Variants in DGKI observed in about 807,000 individuals in gnomAD.
DGKI encodes DAG kinase iota.
A neutral mutation model predicts 147.5 loss-of-function variants in DGKI; 55 were observed. The ratio of observed to expected loss-of-function variants is 0.37; its 90% CI spans 0.30 to 0.47. DGKI has a LOEUF of 0.47. DGKI is among the 20% of genes least tolerant of loss of function. DGKI has a pLI of 1.00. For missense variants in DGKI, 1,007 were observed against 1,323.8 expected (o/e 0.76, Z 3.71); for synonymous variants, 469 against 477.1 (o/e 0.98, Z 0.22).
At chr7:137,785,798 G>A (rs1796652250) in intron 1 of DGKI, among the ~76,000 whole-genome samples, 1 of 152,092 alleles carries the variant, frequency 6.6e-6, no homozygotes, top group Admixed American at 6.6e-5. Flanking sequence ...TTTCATACCA[G>A]GGATGCAGGG....
rs1822158745 is a variant in DGKI, at chr7:137,654,780, G to A, written c.690C>T (p.Phe230=). Residue 230 remains phenylalanine, a synonymous_variant, in exon 5 of 33, where the codon TTC becomes TTT. Transcript: ENST00000614521. ...CTTCTCGAAATGTTGGTTTACATCT[G>A]AAATTAATCTGTCATTCAAAAAGAA... ...ACIEQLEKIN[F]RCKPTFREGG... is the part of the protein sequence containing the mutation. The A allele has an allele frequency of 1.2e-6, 2 of 1,600,898 alleles. No homozygotes were observed.
rs1487612357 is a variant in DGKI, at chr7:137,454,581, AC to A, written c.2735+8907del. On this transcript the variant is annotated intron_variant, in intron 27 of 32. Transcript: ENST00000614521. The stretch of plus-strand genomic sequence containing the variant: ...GCCATCACATTTTAGCATTCTGTAG[AC>A]AAAATGAAAAAAGAAATAATTAAAC... 1.9e-3 allele frequency among the ~76,000 whole-genome samples: 296 copies of A among 152,362 alleles called. 1 individual carries two copies. Among genetic ancestry groups the A allele is most frequent in the African/African-American group, 6.7e-3 (280 of 41,584 alleles).
At chr7:137,643,489 A>T (rs1821720969) in intron 6 of DGKI, among the ~76,000 whole-genome samples, 1 of 152,110 alleles carries the variant, frequency 6.6e-6, no homozygotes, top group Non-Finnish European at 1.5e-5. Flanking sequence ...TGGCAAGGAG[A>T]CAATCCCACC....
At chr7:137,807,569 G>A (rs765045630) in intron 1 of DGKI, among the ~76,000 whole-genome samples, 2 of 152,098 alleles carry the variant, frequency 1.3e-5, no homozygotes, top group African/African-American at 2.4e-5. Context: ...AAACTTTCAC[G>A]TGCTCACAAA....
rs376488244 is a variant in DGKI, at chr7:137,581,909, T to C, written c.1583A>G (p.Asn528Ser). 9 of 1,613,352 alleles carry C rather than the reference T, an allele frequency of 5.6e-6. No individual in the cohort carries two copies. The African/African-American group carries it at 6.7e-5, about 12-fold the overall frequency. Residue 528 changes from asparagine to serine, a missense_variant, in exon 15 of 33, where the codon AAT becomes AGT. By Grantham distance (46) the Asn-to-Ser change is conservative. Coordinates refer to ENST00000614521, the MANE Select transcript of DGKI (RefSeq NM_001321708.2). ...GVCKLPLNVFNNYFSLGFDAH... is the reference protein window; with the variant it reads ...GVCKLPLNVFSNYFSLGFDAH... ...ATCAAATCCAAGGCTGAAGTAGTTATTGAAAACATTCAGAGGGAGCTGCAA... is the reference window on the plus strand; with the variant it reads ...ATCAAATCCAAGGCTGAAGTAGTTACTGAAAACATTCAGAGGGAGCTGCAA...
At chr7:137,665,736 T>G (rs1009008766) in intron 3 of DGKI, among the ~76,000 whole-genome samples, 3 of 152,068 alleles carry the variant, frequency 2.0e-5, no homozygotes, top group Non-Finnish European at 4.4e-5. Flanking sequence ...AGTGCCTGTG[T>G]GTTGTTGTTT....
intron 1 of DGKI, among the ~76,000 whole-genome samples, chr7:137,720,250 C>CTTTTTTTTTTTTTTT (rs552382033): frequency 1.1e-5 from 1 of 88,218 alleles, no homozygotes; most frequent in African/African-American, 4.7e-5. Flanking sequence ...TTGAAAAAAT[C>CTTTTTTTTTTTTTTT]TTTTTTTTTT....
At chr7:137,773,156 C>T (rs1287430376) in intron 1 of DGKI, among the ~76,000 whole-genome samples, 1 of 152,162 alleles carries the variant, frequency 6.6e-6, no homozygotes, top group Admixed American at 6.5e-5. Context: ...ACGGAACACT[C>T]CTCTTATTCT....
chr7:137,695,867 C>G (rs1823763473), intron 1 of DGKI, among the ~76,000 whole-genome samples: 1 of 152,172 alleles, frequency 6.6e-6, no homozygotes, highest in Non-Finnish European at 1.5e-5. Context: ...CACACCTTAC[C>G]TTACCAATTA....
At chr7:137,445,795 A>G (rs1415097655) in intron 27 of DGKI, among the ~76,000 whole-genome samples, 1 of 152,166 alleles carries the variant, frequency 6.6e-6, no homozygotes, top group African/African-American at 2.4e-5. Context: ...CCAATTGGTT[A>G]TAATGTGGAC....
At chr7:137,609,178 C>A in intron 9 of DGKI, 114 bp from the exon 10 acceptor site, 1 of 710,952 alleles carries the variant, frequency 1.4e-6, no homozygotes, top group Non-Finnish European at 2.4e-6. Flanking sequence ...AGGGCTGACT[C>A]TTAACACGAC....
At chr7:137,691,483 T>C (rs1365444748) in intron 1 of DGKI, among the ~76,000 whole-genome samples, 1 of 152,108 alleles carries the variant, frequency 6.6e-6, no homozygotes, top group African/African-American at 2.4e-5. Context: ...AGGAAAGCAG[T>C]GATGGCCAGA....
In DGKI at chr7:137,387,608, G is replaced by A. The variant is rs1811214365; in HGVS notation, c.*3612C>T. On this transcript the variant is annotated 3_prime_UTR_variant, in exon 33 of 33. Transcript: ENST00000614521. ...CGTATATACATACATACTTGTGCAT[G>A]AACGGATGGGGTATTTCTGACATCA... 1 of 152,086 alleles carries A rather than the reference G, an allele frequency of 6.6e-6. No individual in the cohort carries two copies. The highest frequency in any genetic ancestry group is 2.1e-4 in the South Asian group (1 of 4,830). The allele number at this position is 152,086 out of a possible 1,614,324, so 9.4% of individuals were successfully genotyped here.
intron 1 of DGKI, among the ~76,000 whole-genome samples, chr7:137,796,592 G>A (rs1173632441): frequency 6.6e-6 from 1 of 151,738 alleles, no homozygotes; most frequent in Non-Finnish European, 1.5e-5. Flanking sequence ...TCACCAAATA[G>A]ACAATTTCAA....
In DGKI at chr7:137,463,584, C is replaced by A; in HGVS notation, c.2640G>T (p.Leu880=). ...SGISDWWNPA[L]RKRMLSDSGL... is the part of the protein sequence containing the mutation. ...CACTGTCACTCAGCATGCGTTTCCG[C>A]AGGGCAGGATTCCACCAGTCTGAGA... The change falls in exon 27 of 33, where the codon CTG becomes CTT. Residue 880 remains leucine, a synonymous_variant. Coordinates refer to ENST00000614521, the MANE Select transcript of DGKI (RefSeq NM_001321708.2). The A allele has an allele frequency of 6.2e-7, 1 of 1,614,178 alleles. No individual in the cohort carries two copies. The highest frequency in any genetic ancestry group is 2.2e-5 in the East Asian group (1 of 44,870).
intron 5 of DGKI, 61 bp from the exon 6 acceptor site, chr7:137,645,598 G>C: frequency 1.4e-6 from 2 of 1,443,768 alleles, no homozygotes; most frequent in Non-Finnish European, 9.4e-7. Context: ...ACAGGGTCTT[G>C]CTCTGTCACC....
chr7:137,665,738 T>C (rs1465471028), intron 3 of DGKI, among the ~76,000 whole-genome samples: 1 of 152,106 alleles, frequency 6.6e-6, no homozygotes, highest in African/African-American at 2.4e-5. Context: ...TGCCTGTGTG[T>C]TGTTGTTTGA....
intron 1 of DGKI, among the ~76,000 whole-genome samples, chr7:137,749,339 T>A (rs577561501): frequency 8.5e-4 from 130 of 152,298 alleles, no homozygotes; most frequent in Non-Finnish European, 1.6e-3. Flanking sequence ...CTGCTCCTGG[T>A]AGACATCCCC....
intron 5 of DGKI, among the ~76,000 whole-genome samples, 192 bp downstream of exon 5, chr7:137,654,540 T>C (rs1399434549): frequency 1.3e-5 from 2 of 152,252 alleles, no homozygotes; most frequent in East Asian, 3.8e-4. Flanking sequence ...TTTATGAGAA[T>C]AAAGTCCAGT....
Sources: allele counts gnomAD v4.1 joint callset (sites outside exome capture counted in the v4.1 genomes callset), GRCh38; gene constraint gnomAD v4.1.1; transcripts MANE v1.5; gene names NCBI Gene and HGNC (gene_info 2026-07-23, HGNC 2026-07-21).